Variants in ASXL3 observed in about 807,000 individuals in gnomAD.
ASXL3 encodes the protein ASXL transcriptional regulator 3.
A neutral mutation model predicts 170.6 loss-of-function variants in ASXL3; 34 were observed. The observed-to-expected ratio is 0.20, with a 90% CI of 0.15 to 0.27. The LOEUF (loss-of-function observed/expected upper bound fraction) is 0.27, where lower values mean the gene tolerates loss of function less well. ASXL3 is among the 10% of genes least tolerant of loss of function. ASXL3 has a pLI of 1.00. For missense variants in ASXL3, 2,592 were observed against 2,695.3 expected (o/e 0.96, Z 0.85); for synonymous variants, 1,002 against 989.1 (o/e 1.01, Z -0.24).
At chr18:33,663,476 A>G (rs1014013408) in intron 5 of ASXL3, among the ~76,000 whole-genome samples, 1 of 152,158 alleles carries the variant, frequency 6.6e-6, no homozygotes, top group African/African-American at 2.4e-5. Context: ...CTAAAACATT[A>G]CAAAATTTTA....
At chr18:33,622,206 A>G (rs1225157203) in intron 2 of ASXL3, among the ~76,000 whole-genome samples, 2 of 152,166 alleles carry the variant, frequency 1.3e-5, no homozygotes, top group Admixed American at 1.3e-4. Flanking sequence ...AGCTAAATCC[A>G]ATATAATTCA....
chr18:33,645,217 A>C (rs1261516889), intron 3 of ASXL3, among the ~76,000 whole-genome samples: 1 of 151,988 alleles, frequency 6.6e-6, no homozygotes, highest in Admixed American at 6.6e-5. Flanking sequence ...ACATATGGTA[A>C]TGCAGAATAC....
chr18:33,596,216 A>C (rs1437810835), intron 1 of ASXL3, among the ~76,000 whole-genome samples: 1 of 152,212 alleles, frequency 6.6e-6, no homozygotes, highest in Non-Finnish European at 1.5e-5. Context: ...AAGAAGACAT[A>C]TAGCTTAGTT....
chr18:33,693,180 G>C (rs1351572898), intron 8 of ASXL3, among the ~76,000 whole-genome samples: 1 of 152,188 alleles, frequency 6.6e-6, no homozygotes, highest in Admixed American at 6.5e-5. Flanking sequence ...GGATTTAGGG[G>C]AGAAGGAGGT....
At chr18:33,683,664 T>C in intron 8 of ASXL3, 96 bp downstream of exon 8, 6 of 1,193,734 alleles carry the variant, frequency 5.0e-6, no homozygotes, top group Middle Eastern at 2.0e-4. Context: ...ATGGATATAG[T>C]AATTTCTGTA....
chr18:33,636,789 G>A (rs2065772931), intron 2 of ASXL3, among the ~76,000 whole-genome samples: 1 of 151,938 alleles, frequency 6.6e-6, no homozygotes, highest in South Asian at 2.1e-4. Context: ...GAAGTGTCTT[G>A]GATTTTGGAT....
At chr18:33,655,160 T>A (rs1431953441) in intron 4 of ASXL3, among the ~76,000 whole-genome samples, 2 of 152,098 alleles carry the variant, frequency 1.3e-5, no homozygotes, top group African/African-American at 4.8e-5. Context: ...GTCTCTGGCA[T>A]GATGACATTT....
At chr18:33,741,206 T>C (rs1041343375) in intron 11 of ASXL3, among the ~76,000 whole-genome samples, 6 of 152,162 alleles carry the variant, frequency 3.9e-5, no homozygotes, top group South Asian at 4.1e-4. Context: ...AAACTTTCCA[T>C]AGGAGATATT....
intron 8 of ASXL3, among the ~76,000 whole-genome samples, chr18:33,729,021 G>C (rs1048074408): frequency 3.3e-5 from 5 of 152,150 alleles, no homozygotes; most frequent in Admixed American, 2.0e-4. Flanking sequence ...TGGGGCCTAT[G>C]GTACATTTAC....
chr18:33,713,248 GTT>G (rs1226619353), intron 8 of ASXL3, among the ~76,000 whole-genome samples: 17 of 65,090 alleles, frequency 2.6e-4, no homozygotes, highest in South Asian at 4.9e-4. Context: ...GTTTTGTTTT[GTT>G]TTTTTTTTTT....
At chr18:33,718,873 C>T (rs2067211654) in intron 8 of ASXL3, among the ~76,000 whole-genome samples, 1 of 151,922 alleles carries the variant, frequency 6.6e-6, no homozygotes, top group Admixed American at 6.6e-5. Flanking sequence ...AAAGAGAATT[C>T]TACAAGTGTG....
chr18:33,728,671 T>C (rs1157230626), intron 8 of ASXL3, among the ~76,000 whole-genome samples: 4 of 152,132 alleles, frequency 2.6e-5, no homozygotes, highest in Admixed American at 6.6e-5. Context: ...TGAAATGTTC[T>C]CCCAATGACT....
intron 1 of ASXL3, among the ~76,000 whole-genome samples, chr18:33,597,350 C>T (rs1490375068): frequency 6.6e-6 from 1 of 151,976 alleles, no homozygotes; most frequent in Non-Finnish European, 1.5e-5. Flanking sequence ...TTTTTACTTA[C>T]CACTTTCTCA....
chr18:33,700,334 G>A (rs1393019346), intron 8 of ASXL3, among the ~76,000 whole-genome samples: 3 of 152,016 alleles, frequency 2.0e-5, no homozygotes, highest in South Asian at 2.1e-4. Flanking sequence ...TCATAGAAAG[G>A]GGACAGAGGA....
At chr18:33,601,633 G>T (rs1037778246) in intron 1 of ASXL3, among the ~76,000 whole-genome samples, 1 of 151,522 alleles carries the variant, frequency 6.6e-6, no homozygotes, top group Non-Finnish European at 1.5e-5. Flanking sequence ...ATGTGAATGA[G>T]GACCAAGGCC....
At chr18:33,581,573 T>C (rs1419471688) in intron 1 of ASXL3, among the ~76,000 whole-genome samples, 1 of 152,010 alleles carries the variant, frequency 6.6e-6, no homozygotes, top group Non-Finnish European at 1.5e-5. Flanking sequence ...ACCAAAAGCT[T>C]ATGTATAAAT....
At chr18:33,688,673 C>G (rs920475722) in intron 8 of ASXL3, among the ~76,000 whole-genome samples, 1 of 152,136 alleles carries the variant, frequency 6.6e-6, no homozygotes, top group Non-Finnish European at 1.5e-5. Flanking sequence ...GCAATAGTGT[C>G]AAATGTACAA....
intron 2 of ASXL3, among the ~76,000 whole-genome samples, chr18:33,615,149 A>C (rs1464172908): frequency 6.6e-6 from 1 of 152,138 alleles, no homozygotes; most frequent in Non-Finnish European, 1.5e-5. Flanking sequence ...GTCTACATAG[A>C]AAATCTATTT....
At chr18:33,735,336 T>C (rs2067526175) in intron 10 of ASXL3, among the ~76,000 whole-genome samples, 1 of 152,202 alleles carries the variant, frequency 6.6e-6, no homozygotes. Flanking sequence ...CTGCTTGGAA[T>C]AGGGTGCTCA....
Sources: allele counts gnomAD v4.1 joint callset (sites outside exome capture counted in the v4.1 genomes callset), GRCh38; gene constraint gnomAD v4.1.1; transcripts MANE v1.5; gene names NCBI Gene and HGNC (gene_info 2026-07-23, HGNC 2026-07-21).